Variants in ITGB2 observed in about 807,000 individuals in gnomAD.
The protein encoded by ITGB2 is integrin beta-2.
In ITGB2, 56 loss-of-function variants were observed where a neutral mutation model predicts 86.8. The observed-to-expected ratio is 0.65, with a 90% CI of 0.52 to 0.81. The LOEUF (loss-of-function observed/expected upper bound fraction) is 0.81, where lower values mean the gene tolerates loss of function less well. Ranked by LOEUF, ITGB2 falls within the 30% of genes least tolerant of loss-of-function variation. The pLI is 0.00. For synonymous variants in ITGB2, 457 were observed against 450.4 expected, an observed-to-expected ratio of 1.01 and a Z score of -0.19; for missense variants, 948 against 1,061.2, an observed-to-expected ratio of 0.89 and a Z score of 1.48.
At chr21:44,915,178 C>G (rs1316522298) in intron 1 of ITGB2, among the ~76,000 whole-genome samples, 1 of 152,100 alleles carries the variant, frequency 6.6e-6, no homozygotes, top group Non-Finnish European at 1.5e-5. Context: ...CTCCCACGAC[C>G]ACGCCCAGCT....
At position 44,919,455 on chromosome 21, in the gene ITGB2, C is replaced by T. The variant is rs556485873; in HGVS notation, c.-4+1366G>A. Among the ~76,000 whole-genome samples, 8 of 152,286 alleles carry T rather than the reference C, an allele frequency of 5.3e-5. No individual in the cohort carries two copies. The South Asian group carries it at 1.7e-3, about 32-fold the overall frequency. On this transcript the variant is annotated intron_variant, in intron 1 of 15. Transcript: ENST00000652462. ...AGGCCACTCTTGGTAAAGTGCTGGC[C>T]CCCGGGGATTCTGCAGTGAGCTGGG...
At chr21:44,913,516 C>T (rs1377779458) in intron 1 of ITGB2, among the ~76,000 whole-genome samples, 2 of 152,204 alleles carry the variant, frequency 1.3e-5, no homozygotes, top group Non-Finnish European at 2.9e-5. Flanking sequence ...GAGCCACCTT[C>T]TCCCCACTGT....
intron 1 of ITGB2, among the ~76,000 whole-genome samples, chr21:44,927,266 G>A (rs1020820600): frequency 3.9e-5 from 6 of 152,182 alleles, no homozygotes; most frequent in African/African-American, 9.7e-5. Flanking sequence ...GGTGGTTCCA[G>A]GCTCACTTCA....
chr21:44,891,495 G>T (rs757518814), intron 11 of ITGB2, among the ~76,000 whole-genome samples: 1 of 152,206 alleles, frequency 6.6e-6, no homozygotes, highest in Non-Finnish European at 1.5e-5. Flanking sequence ...GTGCCCCTGA[G>T]ATGGGCCTCC....
intron 8 of ITGB2, among the ~76,000 whole-genome samples, chr21:44,896,395 C>T (rs2083871823): frequency 6.6e-6 from 1 of 152,220 alleles, no homozygotes; most frequent in African/African-American, 2.4e-5. Context: ...CGGCCAGATG[C>T]ACAGGGGCGC....
At chr21:44,902,736 G>C (rs1311369549) in intron 5 of ITGB2, among the ~76,000 whole-genome samples, 1 of 151,992 alleles carries the variant, frequency 6.6e-6, no homozygotes, top group African/African-American at 2.4e-5. Flanking sequence ...ATGCATTTGT[G>C]TGTGAGCGTG....
At chr21:44,915,457 A>G (rs1245743431) in intron 1 of ITGB2, among the ~76,000 whole-genome samples, 1 of 152,168 alleles carries the variant, frequency 6.6e-6, no homozygotes, top group African/African-American at 2.4e-5. Flanking sequence ...GCGCTGTCCT[A>G]GAGGAGAGGC....
chr21:44,899,138 C>T lies in ITGB2; in HGVS notation c.922G>A (p.Ala308Thr). 1.2e-6 allele frequency: 2 copies of T among 1,614,120 alleles called. No individual in the cohort carries two copies. The highest frequency in any genetic ancestry group is 1.7e-6 in the Non-Finnish European group (2 of 1,179,974). Residue 308 changes from alanine (A) to threonine (T), a missense_variant, in exon 8 of 16, where the codon GCG (alanine) becomes ACG (threonine). Physicochemically the swap from Ala to Thr is moderately conservative, Grantham distance 58. Coordinates refer to ENST00000652462, the MANE Select transcript of ITGB2 (RefSeq NM_000211.5). ...EFDYPSVGQL[A>T]HKLAENNIQP... ...ATGTTGTTTTCAGCCAGCTTGTGCG[C>T]CAGCTGGCCCACCGATGGGTAGTCC...
chr21:44,910,229 A>C, intron 3 of ITGB2, 55 bp downstream of exon 3: 1 of 1,594,532 alleles, frequency 6.3e-7, no homozygotes, highest in Non-Finnish European at 8.6e-7. Context: ...CAGGGGCAGG[A>C]AAGGGCCCTC....
chr21:44,924,880 A>G (rs1388618982), upstream of ITGB2, among the ~76,000 whole-genome samples: 2 of 152,164 alleles, frequency 1.3e-5, no homozygotes, highest in Non-Finnish European at 2.9e-5. Context: ...GAAGAATAAC[A>G]TGCACCTCGT....
At chr21:44,904,731 T>C (rs555004750) in intron 4 of ITGB2, among the ~76,000 whole-genome samples, 2 of 150,366 alleles carry the variant, frequency 1.3e-5, no homozygotes. Context: ...CACACACATA[T>C]ACACATGCCA....
rs1166893215 is a variant in ITGB2 at position 44,892,008 on chromosome 21, T to C, written c.1225-12A>G. ...ACCTGGAAGGTGATCTGCAGGGCAG[T>C]GCTGGGCTCAGGTGGGGACCCTCGG... On this transcript the variant is annotated splice_polypyrimidine_tract_variant and intron_variant, in intron 10 of 15. Transcript: ENST00000652462. 3 of 1,610,614 alleles carry C rather than the reference T, an allele frequency of 1.9e-6. No homozygotes were observed. The highest frequency in any genetic ancestry group is 1.1e-5 in the South Asian group (1 of 90,968).
intron 13 of ITGB2, 184 bp downstream of exon 13, chr21:44,889,092 C>T (rs1041149646): frequency 5.0e-5 from 35 of 700,302 alleles, no homozygotes; most frequent in African/African-American, 2.1e-4. Flanking sequence ...GCGGCAGGTG[C>T]GCACAGGAGG....
Position 44,899,893 on chromosome 21 carries a change from C to T in ITGB2, c.897+427G>A, listed in dbSNP as rs115240712. 2.9e-3 allele frequency among the ~76,000 whole-genome samples: 449 copies of T among 152,302 alleles called. 3 individuals are homozygous for T. Among genetic ancestry groups the T allele is most frequent in the African/African-American group, 0.01 (421 of 41,572 alleles). ...CAGGGAGGGGCCACACTGGAGGAGG[C>T]GGACTCAGGGGCAGCAGGGAACGTA... On this transcript the variant is annotated intron_variant, in intron 7 of 15. Coordinates refer to ENST00000652462, the MANE Select transcript of ITGB2 (RefSeq NM_000211.5).
chr21:44,920,221 A>G (rs982143769), intron 1 of ITGB2, among the ~76,000 whole-genome samples: 12 of 152,034 alleles, frequency 7.9e-5, no homozygotes, highest in African/African-American at 2.9e-4. Flanking sequence ...ACATGCGCAC[A>G]CTCGCACACC....
chr21:44,900,337 T>C lies in ITGB2; in HGVS notation c.880A>G (p.Lys294Glu), dbSNP rs2083933179. The part of the protein sequence containing the change: ...GRCHLEDNLY[K>E]RSNEFDYPSV... ...GGACTTACGAATTCGTTGCTCCTCT[T>C]GTACAAGTTGTCCTCCAGGTGACAG... The change falls in exon 7 of 16, where the codon AAG (lysine) becomes GAG (glutamate). Residue 294 changes from lysine (K) to glutamate (E), a missense_variant. Coordinates refer to ENST00000652462, the MANE Select transcript of ITGB2 (RefSeq NM_000211.5). 6.2e-7 allele frequency: 1 copy of C among 1,614,200 alleles called. No individual in the cohort carries two copies. The highest frequency in any genetic ancestry group is 8.5e-7 in the Non-Finnish European group (1 of 1,180,024).
Position 44,895,032 on chromosome 21 carries a change from G to A in ITGB2, c.1022C>T (p.Ala341Val), listed in dbSNP as rs1215596768. Residue 341 changes from alanine to valine, a missense_variant, in exon 9 of 16, where the codon GCC becomes GTC. Transcript: ENST00000652462. ...EKLTEIIPKS[A>V]VGELSEDSSN... is the part of the protein sequence containing the mutation. Reference sequence around the variant, plus strand: ...GGAGTCCTCAGACAGCTCCCCCACGGCTGACTTGGGGATGATCTCGGTGAG... The same window carrying A: ...GGAGTCCTCAGACAGCTCCCCCACGACTGACTTGGGGATGATCTCGGTGAG... The A allele has an allele frequency of 2.5e-6, 4 of 1,613,432 alleles. No individual in the cohort carries two copies. The highest frequency in any genetic ancestry group is 3.4e-6 in the Non-Finnish European group (4 of 1,179,536).
chr21:44,892,013 G>T lies in ITGB2; in HGVS notation c.1225-17C>A. The T allele has an allele frequency of 6.2e-7, 1 of 1,609,250 alleles. No homozygotes were observed. ...GAAGGTGATCTGCAGGGCAGTGCTG[G>T]GCTCAGGTGGGGACCCTCGGTGGCC... On this transcript the variant is annotated splice_polypyrimidine_tract_variant and intron_variant, in intron 10 of 15. Transcript: ENST00000652462.
In ITGB2 at chr21:44,903,410, C is replaced by A. The variant is rs752687370; in HGVS notation, c.454G>T (p.Asp152Tyr). ...ATCTCGTTGAGGGCCCGGAGCAGGTCGCCACCTAGCTTCTTGACATTCCTG... is the reference window on the plus strand; with the variant it reads ...ATCTCGTTGAGGGCCCGGAGCAGGTAGCCACCTAGCTTCTTGACATTCCTG... Reference protein sequence around the residue: ...DLRNVKKLGGDLLRALNEITE... With the variant: ...DLRNVKKLGGYLLRALNEITE... Residue 152 changes from aspartate to tyrosine, a missense_variant, in exon 5 of 16, where the codon GAC (aspartate) becomes TAC (tyrosine). By Grantham distance (160) the Asp-to-Tyr change is radical (BLOSUM62 -3). Coordinates refer to ENST00000652462, the MANE Select transcript of ITGB2 (RefSeq NM_000211.5). The A allele has an allele frequency of 5.6e-6, 9 of 1,614,074 alleles. No homozygotes were observed. In the South Asian group the frequency reaches 6.6e-5, roughly 12 times the overall value.
Sources: gnomAD v4.1 joint callset for allele counts (sites outside exome capture counted in the v4.1 genomes callset) on GRCh38, gnomAD v4.1.1 for gene constraint, MANE v1.5 for transcripts, NCBI Gene and HGNC (gene_info 2026-07-23, HGNC 2026-07-21) for gene names.